BOP1: variants seen among roughly 807,000 people sequenced by gnomAD.
BOP1 encodes ribosome biogenesis protein BOP1.
Under a neutral mutation model 82.9 loss-of-function variants are expected in BOP1, and 54 were observed. That is an observed-to-expected ratio of 0.65 (90% confidence interval 0.52 to 0.82). The LOEUF is 0.82. Ranked by LOEUF, BOP1 falls within the 40% of genes least tolerant of loss-of-function variation. The pLI is 0.00. For missense variants in BOP1, 1,170 were observed against 1,072.0 expected, an observed-to-expected ratio of 1.09 and a Z score of -1.28; for synonymous variants, 566 against 451.1, an observed-to-expected ratio of 1.25 and a Z score of -3.23.
intron 3 of BOP1, chr8:144,266,637 G>C: frequency 8.1e-7 from 1 of 1,235,788 alleles, no homozygotes; most frequent in South Asian, 1.5e-5. Context: ...CGCTGCGCCC[G>C]GCGCCGCCGG....
chr8:144,271,928 C>T (rs1177216211), intron 3 of BOP1, among the ~76,000 whole-genome samples: 1 of 151,968 alleles, frequency 6.6e-6, no homozygotes, highest in Non-Finnish European at 1.5e-5. Context: ...GGTCCTTGCA[C>T]CTCCACAGCT....
Position 144,262,138 on chromosome 8 carries a change from A to G in BOP1, c.*26T>C. The G allele has an allele frequency of 6.2e-7, 1 of 1,611,278 alleles. No individual in the cohort carries two copies. Among genetic ancestry groups the G allele is most frequent in the South Asian group, 1.1e-5 (1 of 91,016 alleles). ...AGGCTCTGTTGACTTCAGCACGACC[A>G]CCCCAGCCCCAGGCAGGCAGAACAG... is the stretch of plus-strand genomic sequence containing the variant. On this transcript the variant is annotated 3_prime_UTR_variant, in exon 16 of 16. Transcript: ENST00000569669.
At chr8:144,268,092 TCCC>T in intron 3 of BOP1, 1 of 1,550,394 alleles carries the variant, frequency 6.4e-7, no homozygotes, top group Non-Finnish European at 8.7e-7. Flanking sequence ...CACTCCTCCC[TCCC>T]CTCTGCAGAG....
chr8:144,268,204 T>C (rs1845425235), intron 3 of BOP1: 1 of 1,546,590 alleles, frequency 6.5e-7, no homozygotes, highest in South Asian at 1.2e-5. Flanking sequence ...CCGGGGTGAC[T>C]GCAGACAGCC....
intron 2 of BOP1, among the ~76,000 whole-genome samples, chr8:144,284,902 G>C (rs888308260): frequency 6.6e-5 from 10 of 152,212 alleles, no homozygotes; most frequent in African/African-American, 2.2e-4. Flanking sequence ...ACCCAGGCAG[G>C]TCCGGAGCCC....
chr8:144,267,518 G>A (rs922758957), intron 3 of BOP1, among the ~76,000 whole-genome samples: 126 of 152,366 alleles, frequency 8.3e-4, no homozygotes, highest in Admixed American at 1.9e-3. Flanking sequence ...GTTGAAAGGC[G>A]GAGTGAAAAC....
chr8:144,271,241 TC>T (rs1420340694), intron 3 of BOP1, among the ~76,000 whole-genome samples: 1 of 150,044 alleles, frequency 6.7e-6, no homozygotes, highest in African/African-American at 2.5e-5. Context: ...CCCCCTTCCC[TC>T]CCCCTCCCCA....
rs1276021323 is a variant in BOP1 at position 144,289,162 on chromosome 8, CCCT to C, written c.239_241del (p.Glu80del). On this transcript the variant is annotated inframe_deletion, in exon 2 of 16. Coordinates refer to ENST00000569669, the MANE Select transcript of BOP1 (RefSeq NM_015201.5). ...CTCGTCATCAAGGGCTCCGTCCTCTCCCTCCTCGTCGCCTTCGTCATCATCCTC... is the reference window on the plus strand; with the variant it reads ...CTCGTCATCAAGGGCTCCGTCCTCTCCCTCGTCGCCTTCGTCATCATCCTC... 3.1e-6 allele frequency: 5 copies of C among 1,614,104 alleles called. No individual in the cohort carries two copies. The highest frequency in any genetic ancestry group is 2.7e-5 in the African/African-American group (2 of 74,936).
chr8:144,271,339 G>A (rs1262074157), intron 3 of BOP1, among the ~76,000 whole-genome samples: 1 of 151,968 alleles, frequency 6.6e-6, no homozygotes, highest in Non-Finnish European at 1.5e-5. Flanking sequence ...CTGTCTGCGA[G>A]AGAGGAAGCC....
Position 144,291,328 on chromosome 8 carries a change from C to A in BOP1, c.43G>T (p.Val15Leu). The A allele has an allele frequency of 7.0e-7, 1 of 1,426,528 alleles. No homozygotes were observed. The highest frequency in any genetic ancestry group is 9.2e-7 in the Non-Finnish European group (1 of 1,087,844). 88.4% of individuals were successfully genotyped at this position (1,426,528 alleles called of 1,614,324 possible). A position where few individuals can be genotyped will look rare whatever the true frequency, so the allele number is the denominator to read the frequency against. The change falls in exon 1 of 16, where the codon GTG becomes TTG. Residue 15 changes from valine (V) to leucine (L), a missense_variant. By Grantham distance (32) the Val-to-Leu change is conservative. Coordinates refer to ENST00000569669, the MANE Select transcript of BOP1 (RefSeq NM_015201.5). This position sits in a 1 kb window ranked among gnomAD's most constrained non-coding sequence, Gnocchi z 4.1. Reference sequence around the variant, plus strand: ...TCAGACCGCCGCTTCTCCGGCCGCACGCTCGGCGCCGCCGTGCGCCCCGCA... The same window carrying A: ...TCAGACCGCCGCTTCTCCGGCCGCAAGCTCGGCGCCGCCGTGCGCCCCGCA... ...RGAGRTAAPS[V>L]RPEKRRSEPE...
intron 2 of BOP1, among the ~76,000 whole-genome samples, chr8:144,279,645 A>G (rs1170436752): frequency 1.3e-5 from 2 of 152,090 alleles, no homozygotes; most frequent in African/African-American, 2.4e-5. Flanking sequence ...CAAACCTTTG[A>G]TTTTCATCGC....
At position 144,262,653 on chromosome 8, in the gene BOP1, C is replaced by T; in HGVS notation, c.1914G>A (p.Gly638=). Residue 638 remains glycine (G), a synonymous_variant, in exon 14 of 16, where the codon GGG becomes GGA. Coordinates refer to ENST00000569669, the MANE Select transcript of BOP1 (RefSeq NM_015201.5). Reference sequence around the variant, plus strand: ...ACCACACCAGCTTGCTATCGTAGCTCCCACAGATGACGTTGTCACCTAGGG... The same window carrying T: ...ACCACACCAGCTTGCTATCGTAGCTTCCACAGATGACGTTGTCACCTAGGG... ...VHPAGDNVIC[G]SYDSKLVWFD... The T allele has an allele frequency of 6.2e-7, 1 of 1,613,416 alleles. No homozygotes were observed. Among genetic ancestry groups the T allele is most frequent in the Non-Finnish European group, 8.5e-7 (1 of 1,179,808 alleles).
intron 3 of BOP1, among the ~76,000 whole-genome samples, chr8:144,271,326 T>C (rs1554837762): frequency 6.6e-6 from 1 of 151,150 alleles, no homozygotes; most frequent in Non-Finnish European, 1.5e-5. Context: ...CCTCCTCCCG[T>C]GTCTGTCTGC....
rs117182190 is a variant in BOP1 at position 144,278,022 on chromosome 8, G to A, written c.310-1718C>T. On this transcript the variant is annotated intron_variant, in intron 2 of 15. Transcript: ENST00000569669. ...TGGGGACAGGACCCCCTCCCGCCAC[G>A]CCCATGCCTGGAGTCAGCCCGGATT... Among the ~76,000 whole-genome samples, 1,474 of 152,318 alleles carry A rather than the reference G, an allele frequency of 9.7e-3. 12 individuals carry two copies. Among genetic ancestry groups the A allele is most frequent in the Non-Finnish European group, 0.015 (1,011 of 68,012 alleles).
In BOP1 at chr8:144,264,356, G is replaced by A. The variant is rs1272065558; in HGVS notation, c.847C>T (p.Leu283=). Residue 283 remains leucine, a synonymous_variant, in exon 7 of 16, where the codon CTG becomes TTG. Transcript: ENST00000569669. ...PRDPTPSFYD[L]WAQEDPNAVL... is the part of the protein sequence containing the mutation. ...GCGTTGGGGTCCTCCTGGGCCCACAGGTCATAGAAGCTGGGGGTGGGGTCT... is the reference window on the plus strand; with the variant it reads ...GCGTTGGGGTCCTCCTGGGCCCACAAGTCATAGAAGCTGGGGGTGGGGTCT... 2 of 1,606,378 alleles carry A rather than the reference G, an allele frequency of 1.2e-6. No individual in the cohort carries two copies. Among genetic ancestry groups the A allele is most frequent in the Non-Finnish European group, 1.7e-6 (2 of 1,179,706 alleles).
Position 144,264,744 on chromosome 8 carries a change from C to G in BOP1, c.633G>C (p.Gln211His). The G allele has an allele frequency of 6.3e-7, 1 of 1,589,132 alleles. No homozygotes were observed. The highest frequency in any genetic ancestry group is 8.6e-7 in the Non-Finnish European group (1 of 1,168,822). The change falls in exon 5 of 16, where the codon CAG becomes CAC. Residue 211 changes from glutamine to histidine, a missense_variant. Gln to His is a conservative substitution (Grantham distance 24). Transcript: ENST00000569669. ...AGGGGTTGAAGCCCACATCCCCAAA[C>G]TGGCCACTCTGCAGCCGCCGCACCA... Reference protein sequence around the residue: ...VALVRRLQSGQFGDVGFNPYE... With the variant: ...VALVRRLQSGHFGDVGFNPYE...
At chr8:144,266,445 C>T (rs1297307212) in intron 3 of BOP1, 4 of 950,948 alleles carry the variant, frequency 4.2e-6, no homozygotes, top group South Asian at 9.7e-5. Flanking sequence ...AGCTCGGGGC[C>T]CCGCTCCGGC....
At chr8:144,286,128 G>C (rs1472724366) in intron 2 of BOP1, among the ~76,000 whole-genome samples, 3 of 152,216 alleles carry the variant, frequency 2.0e-5, no homozygotes, top group African/African-American at 7.2e-5. Context: ...AGGCCAAGGT[G>C]CCTGGGTGGC....
chr8:144,264,728 A>G lies in BOP1; in HGVS notation c.649T>C (p.Phe217Leu). ...LQSGQFGDVGFNPYEPAVDFF... is the reference protein window; with the variant it reads ...LQSGQFGDVGLNPYEPAVDFF... ...CTGCCACCTACCTCATAGGGGTTGA[A>G]GCCCACATCCCCAAACTGGCCACTC... The change falls in exon 5 of 16, where the codon TTC becomes CTC. Residue 217 changes from phenylalanine (F) to leucine (L), a missense_variant. Coordinates refer to ENST00000569669, the MANE Select transcript of BOP1 (RefSeq NM_015201.5). 1 of 1,578,976 alleles carries G rather than the reference A, an allele frequency of 6.3e-7. No individual in the cohort carries two copies. The highest frequency in any genetic ancestry group is 8.6e-7 in the Non-Finnish European group (1 of 1,163,232).
Sources: allele counts gnomAD v4.1 joint callset (sites outside exome capture counted in the v4.1 genomes callset), GRCh38; gene constraint gnomAD v4.1.1; non-coding constraint Gnocchi (gnomAD v3.1); transcripts MANE v1.5; gene names NCBI Gene and HGNC (gene_info 2026-07-23, HGNC 2026-07-21).